The following MARS1 variants were observed in gnomAD, a reference collection of about 807,000 sequenced individuals.
MARS1 encodes methionyl-tRNA synthetase 1, also known as methionine--tRNA ligase, cytoplasmic.
In MARS1, 80 loss-of-function variants were observed where a neutral mutation model predicts 119.5. That is an observed-to-expected ratio of 0.67 (90% CI 0.56 to 0.81). The LOEUF is 0.81. Among genes scored for constraint, MARS1 ranks in the 30% least tolerant of loss-of-function variants. MARS1 has a pLI of 0.00. For missense variants in MARS1, 945 were observed against 1,116.5 expected, an observed-to-expected ratio of 0.85 and a Z score of 2.19; for synonymous variants, 418 against 433.4, an observed-to-expected ratio of 0.96 and a Z score of 0.44.
At chr12:57,488,266 A>C in intron 1 of MARS1, 67 bp downstream of exon 1, 3 of 1,481,940 alleles carry the variant, frequency 2.0e-6, no homozygotes, top group South Asian at 1.2e-5. Context: ...GATTCTCTGC[A>C]GCTGTCTTTG....
At chr12:57,488,883 A>G in intron 1 of MARS1, 136 bp from the exon 2 acceptor site, 1 of 800,934 alleles carries the variant, frequency 1.2e-6, no homozygotes, top group African/African-American at 1.7e-5. Context: ...CAGTGGTCCT[A>G]TCCTGGAACT....
rs1179414725 is a variant in MARS1 at position 57,507,453 on chromosome 12, C to T, written c.1368+3154C>T. ...CCGGGCAGAGGCGCCCCTCACCTCC[C>T]GGACGGGGCGGCTGGCCGGGCGGGG... On this transcript the variant is annotated intron_variant, in intron 11 of 20. Transcript: ENST00000262027. 2.0e-3 allele frequency among the ~76,000 whole-genome samples: 142 copies of T among 72,704 alleles called. 19 individuals carry two copies. The highest frequency in any genetic ancestry group is 6.5e-3 in the African/African-American group (135 of 20,926). 47.7% of individuals were successfully genotyped at this position (72,704 alleles called of 152,430 possible).
intron 10 of MARS1, among the ~76,000 whole-genome samples, chr12:57,500,733 C>A (rs1288494605): frequency 2.0e-5 from 3 of 152,238 alleles, no homozygotes; most frequent in African/African-American, 7.2e-5. Flanking sequence ...AAGAAACAGA[C>A]AAGTTGAGTT....
chr12:57,489,411 C>T lies in MARS1; in HGVS notation c.280-13C>T, dbSNP rs375281035. On this transcript the variant is annotated splice_polypyrimidine_tract_variant and intron_variant, in intron 3 of 20. Transcript: ENST00000262027. ...CTGCGTGGCCATCCTGACTCATGTC[C>T]CCTGCATTTTAGCCAGCTTTGTCTG... 12 of 1,613,970 alleles carry T rather than the reference C, an allele frequency of 7.4e-6. No homozygotes were observed. The African/African-American group carries it at 1.3e-4, about 18-fold the overall frequency.
At chr12:57,490,084 C>A in intron 5 of MARS1, 113 bp downstream of exon 5, 1 of 1,438,974 alleles carries the variant, frequency 6.9e-7, no homozygotes, top group Non-Finnish European at 9.7e-7. Context: ...GCAACTATAG[C>A]AGAAGATGGT....
At chr12:57,494,917 A>G (rs1876510031) in intron 7 of MARS1, among the ~76,000 whole-genome samples, 2 of 152,272 alleles carry the variant, frequency 1.3e-5, no homozygotes, top group South Asian at 4.2e-4. Flanking sequence ...TTCCACACAG[A>G]CACAGTAACA....
intron 7 of MARS1, among the ~76,000 whole-genome samples, chr12:57,496,124 A>G (rs1031850506): frequency 5.3e-5 from 8 of 151,608 alleles, no homozygotes; most frequent in Non-Finnish European, 1.0e-4. Flanking sequence ...TCGGCCTCCC[A>G]AAGTGCTGGG....
At chr12:57,491,839 GT>G (rs1875978187) in intron 7 of MARS1, among the ~76,000 whole-genome samples, 1 of 152,140 alleles carries the variant, frequency 6.6e-6, no homozygotes, top group South Asian at 2.1e-4. Flanking sequence ...ACATTTGAGT[GT>G]TTACTCCTTT....
At chr12:57,488,502 T>C in intron 1 of MARS1, 2 of 1,426,948 alleles carry the variant, frequency 1.4e-6, no homozygotes, top group Non-Finnish European at 1.9e-6. Context: ...CTATCAGGCA[T>C]CCCCCTCTGC....
rs1340065564 is a variant in MARS1 at position 57,512,890 on chromosome 12, T to C, written c.1893T>C (p.Ser631=). The change falls in exon 15 of 21, where the codon AGT becomes AGC. Residue 631 remains serine, a synonymous_variant. Transcript: ENST00000262027. ...ACATTCGGCCTGAGGGCCAGGACAG[T>C]GCTTTCTCCTGGACGGACCTGCTGC... ...LLYIRPEGQD[S]AFSWTDLLLK... 1 of 1,614,234 alleles carries C rather than the reference T, an allele frequency of 6.2e-7. No homozygotes were observed. Among genetic ancestry groups the C allele is most frequent in the Admixed American group, 1.7e-5 (1 of 60,020 alleles).
chr12:57,498,031 A>G, intron 7 of MARS1, 126 bp from the exon 8 acceptor site: 1 of 700,824 alleles, frequency 1.4e-6, no homozygotes, highest in East Asian at 2.5e-5. Flanking sequence ...TGTGTGCAGA[A>G]AGACTTCAAG....
At chr12:57,501,638 G>T (rs556731369) in intron 10 of MARS1, among the ~76,000 whole-genome samples, 20 of 152,134 alleles carry the variant, frequency 1.3e-4, no homozygotes, top group Admixed American at 3.3e-4. Flanking sequence ...TGGCCAACAT[G>T]GTGAAACCCT....
chr12:57,508,009 T>G (rs1050758330), intron 11 of MARS1, among the ~76,000 whole-genome samples: 2 of 151,620 alleles, frequency 1.3e-5, no homozygotes, highest in African/African-American at 4.9e-5. Context: ...GAGGCGCTCC[T>G]TACATCCCAG....
At chr12:57,514,381 G>C (rs1488192988) in intron 15 of MARS1, among the ~76,000 whole-genome samples, 1 of 152,064 alleles carries the variant, frequency 6.6e-6, no homozygotes, top group Admixed American at 6.6e-5. Flanking sequence ...GGCTGGTCTT[G>C]AACTTCTGAC....
In MARS1 at chr12:57,508,120, G is replaced by A. The variant is rs1193239285; in HGVS notation, c.1369-3578G>A. ...GATGGGATGGCAGCTGGGAAGAGGC[G>A]CTCCTCACTTCCTAGATGGGATGGC... On this transcript the variant is annotated intron_variant, in intron 11 of 20. Coordinates refer to ENST00000262027, the MANE Select transcript of MARS1 (RefSeq NM_004990.4). 5.3e-5 allele frequency among the ~76,000 whole-genome samples: 8 copies of A among 151,728 alleles called. No homozygotes were observed. In the East Asian group the frequency reaches 5.8e-4, roughly 11 times the overall value.
In MARS1 at chr12:57,488,569, C is replaced by T. The variant is rs535904704; in HGVS notation, c.109+370C>T. 3.9e-6 allele frequency: 6 copies of T among 1,550,502 alleles called. No homozygotes were observed. The East Asian group carries it at 7.3e-5, about 19-fold the overall frequency. Reference sequence around the variant, plus strand: ...ACCCTTTTGTGTTCTTAGGAAATCCCTCTCTCCCCTCCTAACACACACACA... The same window carrying T: ...ACCCTTTTGTGTTCTTAGGAAATCCTTCTCTCCCCTCCTAACACACACACA... On this transcript the variant is annotated intron_variant, in intron 1 of 20. Transcript: ENST00000262027.
At chr12:57,499,457 A>G (rs1876811948) in intron 9 of MARS1, among the ~76,000 whole-genome samples, 2 of 146,620 alleles carry the variant, frequency 1.4e-5, no homozygotes, top group African/African-American at 5.2e-5. Flanking sequence ...AAAAAAAATT[A>G]ACCAGGCGTG....
At chr12:57,513,361 G>A (rs1016416799) in intron 15 of MARS1, among the ~76,000 whole-genome samples, 6 of 152,104 alleles carry the variant, frequency 3.9e-5, no homozygotes, top group African/African-American at 1.2e-4. Context: ...GCTTACATTT[G>A]TAATCCCAGC....
chr12:57,509,143 T>C (rs1877389331), intron 11 of MARS1, among the ~76,000 whole-genome samples: 1 of 152,238 alleles, frequency 6.6e-6, no homozygotes, highest in Non-Finnish European at 1.5e-5. Flanking sequence ...TTGTTACTTA[T>C]TTCATCAGTA....
Sources: allele counts gnomAD v4.1 joint callset (sites outside exome capture counted in the v4.1 genomes callset), GRCh38; gene constraint gnomAD v4.1.1; transcripts MANE v1.5; gene names NCBI Gene and HGNC (gene_info 2026-07-23, HGNC 2026-07-21).